The following GRIP1 variants were observed in gnomAD, a reference collection of about 807,000 sequenced individuals.
GRIP1 encodes the protein glutamate receptor interacting protein 1.
GRIP1 carries 45 observed loss-of-function variants against 129.9 expected under a neutral mutation model. The ratio of observed to expected loss-of-function variants is 0.35; its 90% CI spans 0.27 to 0.44. GRIP1 has a LOEUF of 0.44. Ranked by LOEUF, GRIP1 falls within the 20% of genes least tolerant of loss-of-function variation. GRIP1 has a pLI of 1.00. For missense variants in GRIP1, 1,196 were observed against 1,396.8 expected, an observed-to-expected ratio of 0.86 and a Z score of 2.29; for synonymous variants, 530 against 520.8, an observed-to-expected ratio of 1.02 and a Z score of -0.24.
intron 11 of GRIP1, among the ~76,000 whole-genome samples, chr12:66,448,123 A>G (rs1322893253): frequency 6.6e-6 from 1 of 151,866 alleles, no homozygotes; most frequent in Non-Finnish European, 1.5e-5. Context: ...AAGCTCCAGT[A>G]ATGGATCTCC....
intron 2 of GRIP1, chr12:66,568,292 C>T (rs780592607): frequency 5.6e-5 from 10 of 179,630 alleles, no homozygotes; most frequent in East Asian, 1.6e-4. Context: ...CATTCTGAAC[C>T]GTTCAATCCC....
chr12:66,897,333 C>T (rs2040767127), intron 1 of GRIP1, among the ~76,000 whole-genome samples: 1 of 152,194 alleles, frequency 6.6e-6, no homozygotes, highest in Non-Finnish European at 1.5e-5. Flanking sequence ...CTTAAGGTCA[C>T]AGTTTTGGAG....
At chr12:66,371,655 C>A (rs2055505883) in intron 23 of GRIP1, 39 bp downstream of exon 23, 6 of 1,402,424 alleles carry the variant, frequency 4.3e-6, no homozygotes, top group Non-Finnish European at 5.1e-6. Flanking sequence ...GAATGGCTGC[C>A]AAATTTGACC....
intron 1 of GRIP1, among the ~76,000 whole-genome samples, chr12:66,740,074 C>T (rs1273667234): frequency 6.6e-6 from 1 of 152,154 alleles, no homozygotes; most frequent in Admixed American, 6.6e-5. Flanking sequence ...GACAGATGCC[C>T]TTAATGTGAA....
chr12:66,645,863 A>G (rs1462865549), intron 1 of GRIP1, among the ~76,000 whole-genome samples: 3 of 152,200 alleles, frequency 2.0e-5, no homozygotes, highest in Admixed American at 6.5e-5. Context: ...TAACCTTTGT[A>G]TCAATATCAG....
At chr12:66,454,928 C>T (rs1163081516) in intron 11 of GRIP1, among the ~76,000 whole-genome samples, 1 of 151,954 alleles carries the variant, frequency 6.6e-6, no homozygotes, top group African/African-American at 2.4e-5. Context: ...AGGAGGGTAA[C>T]AAAATATAAT....
At chr12:66,821,722 C>T (rs1243710075) in intron 1 of GRIP1, among the ~76,000 whole-genome samples, 1 of 152,164 alleles carries the variant, frequency 6.6e-6, no homozygotes, top group Non-Finnish European at 1.5e-5. Context: ...ACCAGCAACT[C>T]CTTTCTTAAG....
intron 1 of GRIP1, among the ~76,000 whole-genome samples, chr12:66,676,627 G>A (rs377330631): frequency 3.9e-5 from 6 of 152,148 alleles, no homozygotes; most frequent in African/African-American, 1.4e-4. Flanking sequence ...AAGAGTGAGT[G>A]TTAGGTGGAG....
At chr12:66,401,132 G>A (rs536623216) in intron 16 of GRIP1, among the ~76,000 whole-genome samples, 12 of 152,194 alleles carry the variant, frequency 7.9e-5, no homozygotes, top group Admixed American at 5.2e-4. Context: ...GGAGGAAAAC[G>A]CCTACAACCC....
chr12:66,808,152 C>A (rs74098248), upstream of GRIP1, among the ~76,000 whole-genome samples: 2,425 of 152,068 alleles, frequency 0.016, 75 homozygotes, highest in African/African-American at 0.056. Context: ...GTAAGAGGTG[C>A]TATTTATCAG....
At chr12:66,772,695 C>T (rs139323155) in intron 1 of GRIP1, among the ~76,000 whole-genome samples, 280 of 152,248 alleles carry the variant, frequency 1.8e-3, no homozygotes, top group African/African-American at 6.1e-3. Context: ...TAGGCTTGTG[C>T]GGAACTCTGG....
chr12:66,602,848 C>CTTTTTTTTTTTTTTTT, intron 1 of GRIP1, among the ~76,000 whole-genome samples: 1 of 71,662 alleles, frequency 1.4e-5, no homozygotes, highest in Non-Finnish European at 2.8e-5. Context: ...AGATCTTTTG[C>CTTTTTTTTTTTTTTTT]TTTTTTTTTT....
intron 1 of GRIP1, among the ~76,000 whole-genome samples, chr12:66,933,888 C>T (rs1448090496): frequency 6.6e-6 from 1 of 152,078 alleles, no homozygotes; most frequent in Admixed American, 6.6e-5. Context: ...TCAGGGAACC[C>T]TTTTTTCCTA....
intron 1 of GRIP1, among the ~76,000 whole-genome samples, chr12:66,975,546 T>G (rs2042139091): frequency 6.6e-6 from 1 of 152,230 alleles, no homozygotes. Context: ...TTATCTTTCC[T>G]GTCTTTTTGT....
chr12:66,404,389 T>C (rs1322097460), intron 16 of GRIP1, among the ~76,000 whole-genome samples: 1 of 152,162 alleles, frequency 6.6e-6, no homozygotes, highest in African/African-American at 2.4e-5. Context: ...TGCAATGAAA[T>C]TATATACAGT....
At chr12:66,951,598 G>T (rs1306586667) in intron 1 of GRIP1, among the ~76,000 whole-genome samples, 1 of 152,172 alleles carries the variant, frequency 6.6e-6, no homozygotes, top group East Asian at 1.9e-4. Flanking sequence ...TAAAAAGATT[G>T]CTCTGGCTGC....
chr12:67,025,678 G>A (rs1383728768), intron 1 of GRIP1, among the ~76,000 whole-genome samples: 1 of 151,980 alleles, frequency 6.6e-6, no homozygotes, highest in Non-Finnish European at 1.5e-5. Flanking sequence ...GGTTTAACTC[G>A]CAATTCCTAC....
At chr12:66,731,529 A>G (rs1168502929) in intron 1 of GRIP1, among the ~76,000 whole-genome samples, 1 of 152,148 alleles carries the variant, frequency 6.6e-6, no homozygotes, top group African/African-American at 2.4e-5. Context: ...TATCTGCCTT[A>G]TTTAATCATT....
At chr12:66,764,693 T>TG (rs1459709194) in intron 1 of GRIP1, among the ~76,000 whole-genome samples, 1 of 152,176 alleles carries the variant, frequency 6.6e-6, no homozygotes, top group African/African-American at 2.4e-5. Flanking sequence ...AGGGAGTTTG[T>TG]GTTTTCTCTC....
Sources: allele counts gnomAD v4.1 joint callset (sites outside exome capture counted in the v4.1 genomes callset), GRCh38; gene constraint gnomAD v4.1.1; transcripts MANE v1.5; gene names NCBI Gene and HGNC (gene_info 2026-07-23, HGNC 2026-07-21).